The following NPAS3 variants were observed in gnomAD, a reference collection of about 807,000 sequenced individuals.
The protein encoded by NPAS3 is neuronal PAS domain-containing protein 3.
A neutral mutation model predicts 73.1 loss-of-function variants in NPAS3; 14 were observed. That is an observed-to-expected ratio of 0.19 (90% CI 0.13 to 0.30). NPAS3 has a LOEUF of 0.30. Among genes scored for constraint, NPAS3 ranks in the 10% least tolerant of loss-of-function variants. NPAS3 has a pLI of 1.00. For synonymous variants in NPAS3, 620 were observed against 541.5 expected (o/e 1.14, Z -2.01); for missense variants, 1,096 against 1,250.0 (o/e 0.88, Z 1.86).
At chr14:33,207,809 G>A (rs192501250) in intron 2 of NPAS3, among the ~76,000 whole-genome samples, 5 of 152,118 alleles carry the variant, frequency 3.3e-5, no homozygotes, top group Non-Finnish European at 7.4e-5. Context: ...ATTGGTCTTG[G>A]CATTTAGTCT....
intron 2 of NPAS3, among the ~76,000 whole-genome samples, chr14:33,077,981 T>C (rs896296827): frequency 5.9e-5 from 9 of 151,322 alleles, no homozygotes; most frequent in African/African-American, 2.2e-4. Context: ...CTACTAAAAA[T>C]ACGAAAAATT....
intron 2 of NPAS3, among the ~76,000 whole-genome samples, chr14:33,104,175 A>T (rs1193919587): frequency 6.6e-6 from 1 of 152,184 alleles, no homozygotes; most frequent in Admixed American, 6.5e-5. Context: ...TGTAAATAAC[A>T]AAAGGACCTT....
intron 2 of NPAS3, among the ~76,000 whole-genome samples, chr14:33,079,325 C>CTTTTTT (rs772885846): frequency 0.016 from 2,153 of 132,284 alleles, 86 homozygotes; most frequent in South Asian, 0.061. Flanking sequence ...TTTCTTTTTC[C>CTTTTTT]TTTTTTTTTT....
At chr14:33,665,188 G>A (rs1189521431) in intron 5 of NPAS3, among the ~76,000 whole-genome samples, 2 of 152,162 alleles carry the variant, frequency 1.3e-5, no homozygotes, top group Admixed American at 1.3e-4. Flanking sequence ...TAAAAAGGAT[G>A]AGTTCATGTC....
At chr14:33,195,395 CA>C (rs746974230) in intron 2 of NPAS3, among the ~76,000 whole-genome samples, 1 of 152,070 alleles carries the variant, frequency 6.6e-6, no homozygotes, top group East Asian at 1.9e-4. Context: ...GTCAGCCTCC[CA>C]AATAGCTGGG....
In NPAS3 at chr14:33,053,401, C is replaced by T. The variant is rs532945025; in HGVS notation, c.51-2504C>T. Reference sequence around the variant, plus strand: ...TACATGTTTCACATGTATGTAAATGCACTTAAGTCCTACCTCAAGCTGTAT... The same window carrying T: ...TACATGTTTCACATGTATGTAAATGTACTTAAGTCCTACCTCAAGCTGTAT... On this transcript the variant is annotated intron_variant, in intron 1 of 11. Transcript: ENST00000356141. Among the ~76,000 whole-genome samples the T allele has an allele frequency of 2.6e-5, 4 of 152,266 alleles. No individual in the cohort carries two copies. The South Asian group carries it at 8.3e-4, about 32-fold the overall frequency.
At chr14:33,088,240 A>G (rs1287831561) in intron 2 of NPAS3, among the ~76,000 whole-genome samples, 1 of 152,232 alleles carries the variant, frequency 6.6e-6, no homozygotes, top group Non-Finnish European at 1.5e-5. Context: ...AGGGAGAGGC[A>G]TCACCTCACC....
chr14:33,240,450 A>T (rs1444049514), intron 3 of NPAS3, among the ~76,000 whole-genome samples: 1 of 151,852 alleles, frequency 6.6e-6, no homozygotes, highest in Non-Finnish European at 1.5e-5. Flanking sequence ...CTCTTTGTCT[A>T]ATTTCATTAC....
chr14:33,533,419 AG>A (rs554469109), intron 4 of NPAS3, among the ~76,000 whole-genome samples: 1 of 152,296 alleles, frequency 6.6e-6, no homozygotes, highest in African/African-American at 2.4e-5. Context: ...CAGCAGTGAC[AG>A]ATGCTTTTGC....
chr14:33,202,556 CT>C (rs1266909486), intron 2 of NPAS3, among the ~76,000 whole-genome samples: 4 of 151,718 alleles, frequency 2.6e-5, no homozygotes, highest in Non-Finnish European at 5.9e-5. Context: ...AGGACTGAGC[CT>C]TTTTTTTAAA....
In NPAS3 at chr14:33,680,614, C is replaced by G. The variant is rs1277371868; in HGVS notation, c.733+4229C>G. 3 of 702,676 alleles carry G rather than the reference C, an allele frequency of 4.3e-6. No individual in the cohort carries two copies. The Admixed American group carries it at 6.0e-5, about 14-fold the overall frequency. 43.5% of individuals were successfully genotyped at this position (702,676 alleles called of 1,614,324 possible). A position where few individuals can be genotyped will look rare whatever the true frequency, so the allele number is the denominator to read the frequency against. On this transcript the variant is annotated intron_variant, in intron 6 of 11. Transcript: ENST00000356141. ...CTTTCTGTCTCCAGTGGTTTGCTTC[C>G]CACCAGCGAGTGATCAGTTTCTTCT... is the stretch of plus-strand genomic sequence containing the variant.
intron 5 of NPAS3, among the ~76,000 whole-genome samples, chr14:33,595,344 AGT>A (rs2057202554): frequency 6.6e-6 from 1 of 151,894 alleles, no homozygotes; most frequent in South Asian, 2.1e-4. Context: ...TTTAACTGCC[AGT>A]GTTTGAGAAA....
chr14:33,713,328 C>T (rs2060874272), intron 6 of NPAS3, among the ~76,000 whole-genome samples: 1 of 152,230 alleles, frequency 6.6e-6, no homozygotes, highest in African/African-American at 2.4e-5. Context: ...TCATCCTCAG[C>T]CTTATCCCTT....
intron 2 of NPAS3, among the ~76,000 whole-genome samples, chr14:33,087,235 A>ACG (rs2042067452): frequency 8.4e-6 from 1 of 119,236 alleles, no homozygotes; most frequent in South Asian, 2.7e-4. Flanking sequence ...AATATATATT[A>ACG]TACAATATTG....
At chr14:33,264,646 A>G (rs984102310) in intron 3 of NPAS3, among the ~76,000 whole-genome samples, 2 of 152,138 alleles carry the variant, frequency 1.3e-5, no homozygotes, top group Non-Finnish European at 2.9e-5. Flanking sequence ...AGTGGCTTAA[A>G]TCTGTCTTGA....
At chr14:32,994,625 TG>T in intron 1 of NPAS3, among the ~76,000 whole-genome samples, 1 of 138,466 alleles carries the variant, frequency 7.2e-6, no homozygotes, top group African/African-American at 3.0e-5. Flanking sequence ...TTTGTTTGTT[TG>T]TTTGTTTTTG....
At chr14:33,066,166 G>A (rs1291673748) in intron 2 of NPAS3, among the ~76,000 whole-genome samples, 2 of 152,076 alleles carry the variant, frequency 1.3e-5, no homozygotes, top group East Asian at 1.9e-4. Context: ...GCAGCAGCTC[G>A]GCTTCTCATC....
intron 2 of NPAS3, among the ~76,000 whole-genome samples, chr14:33,138,203 C>G (rs371925538): frequency 1.4e-5 from 2 of 141,220 alleles, no homozygotes; most frequent in East Asian, 2.3e-4. Context: ...ATCCCTCCCC[C>G]CTCCCCCCAC....
intron 1 of NPAS3, among the ~76,000 whole-genome samples, chr14:33,030,037 T>A (rs955635947): frequency 6.6e-6 from 1 of 152,318 alleles, no homozygotes; most frequent in African/African-American, 2.4e-5. Flanking sequence ...GCTTAATAAA[T>A]GCAAATCTAA....
Sources: gnomAD v4.1 joint callset for allele counts (sites outside exome capture counted in the v4.1 genomes callset) on GRCh38, gnomAD v4.1.1 for gene constraint, MANE v1.5 for transcripts, NCBI Gene and HGNC (gene_info 2026-07-23, HGNC 2026-07-21) for gene names.